ZNF232: variants seen among roughly 807,000 people sequenced by gnomAD.
ZNF232 encodes zinc finger and SCAN domain-containing protein 11.
Under a neutral mutation model 25.2 loss-of-function variants are expected in ZNF232, and 25 were observed. The ratio of observed to expected loss-of-function variants is 0.99; its 90% CI spans 0.72 to 1.39. ZNF232 has a LOEUF of 1.39. ZNF232 is among the 40% of genes most tolerant of loss of function. The pLI is 0.00. For missense variants in ZNF232, 519 were observed against 520.9 expected (o/e 1.00, Z 0.04); for synonymous variants, 193 against 182.9 (o/e 1.06, Z -0.45).
At chr17:5,105,806 G>C in exon 4 of ZNF232, 1 of 1,547,064 alleles carries the variant, frequency 6.5e-7, no homozygotes, top group East Asian at 2.3e-5. Flanking sequence ...TCTGTCTGGA[G>C]ACGTTCTCCC....
chr17:5,109,864 G>A (rs1278212783), exon 2 of ZNF232: 1 of 1,598,068 alleles, frequency 6.3e-7, no homozygotes, highest in East Asian at 2.2e-5. Flanking sequence ...TCTTGCAAGG[G>A]CCCCCTGTAA....
At chr17:5,106,454 T>C (rs1360610862) in exon 4 of ZNF232, 1 of 1,614,192 alleles carries the variant, frequency 6.2e-7, no homozygotes, top group Admixed American at 1.7e-5. Context: ...CAGTAATGGG[T>C]GGTTGTGGCA....
At chr17:5,111,850 T>TA (rs757296938), upstream of ZNF232, 33 of 1,613,444 alleles carry the variant, frequency 2.0e-5, no homozygotes, top group African/African-American at 8.0e-5. Flanking sequence ...TCGCGCCACT[T>TA]ACAGCCCTCA....
exon 4 of ZNF232, chr17:5,106,390 C>T: frequency 2.5e-6 from 4 of 1,614,212 alleles, no homozygotes; most frequent in Non-Finnish European, 3.4e-6. Context: ...GAGGTAGCTT[C>T]AAATGTAGAG....
upstream of ZNF232, chr17:5,113,237 C>T (rs1216740822): frequency 1.3e-5 from 2 of 152,182 alleles, no homozygotes; most frequent in South Asian, 2.1e-4. Flanking sequence ...AATTACTGCA[C>T]GTAGGAGCTA....
intron 3 of ZNF232, 132 bp downstream of exon 3, chr17:5,108,792 GAT>G: frequency 2.9e-6 from 4 of 1,398,448 alleles, no homozygotes; most frequent in Non-Finnish European, 3.9e-6. Context: ...TCACCTAAGA[GAT>G]AAGAATAGTA....
At chr17:5,115,923 G>A (rs1181498526), upstream of ZNF232, among the ~76,000 whole-genome samples, 2 of 152,222 alleles carry the variant, frequency 1.3e-5, no homozygotes, top group African/African-American at 4.8e-5. Flanking sequence ...CGGCCGTCAA[G>A]GCTGGGATAG....
intron 1 of ZNF232, among the ~76,000 whole-genome samples, chr17:5,119,149 C>G (rs894766329): frequency 6.6e-6 from 1 of 151,456 alleles, no homozygotes; most frequent in Non-Finnish European, 1.5e-5. Context: ...CCAATCACCC[C>G]TCTTCCTCAA....
upstream of ZNF232, chr17:5,116,747 CTT>C (rs2072547733): frequency 6.6e-6 from 1 of 152,240 alleles, no homozygotes; most frequent in Non-Finnish European, 1.5e-5. Context: ...AGTTGTGAGT[CTT>C]TGGGCAAATT....
intron 1 of ZNF232, chr17:5,122,931 A>C (rs1315301636): frequency 6.6e-6 from 1 of 152,294 alleles, no homozygotes; most frequent in Non-Finnish European, 1.5e-5. Flanking sequence ...GGGACCGCCA[A>C]GCCGGAGCCA....
intron 2 of ZNF232, 71 bp from the exon 3 acceptor site, chr17:5,109,123 G>A: frequency 6.2e-7 from 1 of 1,603,380 alleles, no homozygotes; most frequent in Non-Finnish European, 8.5e-7. Flanking sequence ...TCCCCTGCCT[G>A]GACACTTGCA....
At chr17:5,120,632 G>C (rs1430458807) in intron 1 of ZNF232, 6 of 376,936 alleles carry the variant, frequency 1.6e-5, no homozygotes, top group Non-Finnish European at 2.6e-5. Context: ...CCCAGGAAAT[G>C]AAGGCCCTTT....
intron 3 of ZNF232, among the ~76,000 whole-genome samples, chr17:5,108,060 A>G (rs1419963959): frequency 1.3e-5 from 2 of 152,246 alleles, no homozygotes; most frequent in Non-Finnish European, 2.9e-5. Flanking sequence ...GCTAAGAAGT[A>G]GAAACATACT....
At position 5,109,415 on chromosome 17, in the gene ZNF232, T is replaced by C. The variant is rs750260625; in HGVS notation, c.477A>G (p.Lys159=). The C allele has an allele frequency of 3.1e-6, 5 of 1,613,940 alleles. No individual in the cohort carries two copies. The African/African-American group carries it at 6.7e-5, about 22-fold the overall frequency. The change falls in exon 2 of 4, where the codon AAA becomes AAG. Residue 159 remains lysine (K), a synonymous_variant. Coordinates refer to ENST00000575898, the Ensembl canonical transcript of ZNF232. ...CCACCTGCGGCTCTGGTTCAAGTCC[T>C]TTCTCTAAATCCTCCAGCACAGTCA...
At chr17:5,110,553 G>A (rs2072378386) in intron 1 of ZNF232, among the ~76,000 whole-genome samples, 1 of 152,196 alleles carries the variant, frequency 6.6e-6, no homozygotes, top group Non-Finnish European at 1.5e-5. Context: ...TGGGGAGGCA[G>A]CCTCCTCTGA....
At position 5,109,424 on chromosome 17, in the gene ZNF232, A is replaced by C. The variant is rs758004683; in HGVS notation, c.468T>G (p.Asp156Glu). 19 of 1,613,712 alleles carry C rather than the reference A, an allele frequency of 1.2e-5. No individual in the cohort carries two copies. Among genetic ancestry groups the C allele is most frequent in the Non-Finnish European group, 1.5e-5 (18 of 1,179,890 alleles). The stretch of plus-strand genomic sequence containing the variant: ...GCTCTGGTTCAAGTCCTTTCTCTAA[A>C]TCCTCCAGCACAGTCACAGCCTCCT... Residue 156 changes from aspartate to glutamate, a missense_variant, in exon 2 of 4, where the codon GAT (aspartate) becomes GAG (glutamate). Physicochemically the swap from Asp to Glu is conservative, Grantham distance 45. Coordinates refer to ENST00000575898, the Ensembl canonical transcript of ZNF232.
chr17:5,106,120 C>A lies in ZNF232; in HGVS notation c.1012G>T (p.Gly338Cys). ...CCTGTATGAATTCTCTGATGCTGAC[C>A]GAGGTTTGAGCTCTGTTTGAAAGTT... The change falls in exon 4 of 4, where the codon GGT becomes TGT. Residue 338 changes from glycine to cysteine, a missense_variant. Transcript: ENST00000575898. The A allele has an allele frequency of 1.9e-6, 3 of 1,614,126 alleles. No homozygotes were observed. Among genetic ancestry groups the A allele is most frequent in the South Asian group, 1.1e-5 (1 of 91,082 alleles).
chr17:5,120,591 G>T (rs1258100444), intron 1 of ZNF232: 2 of 360,820 alleles, frequency 5.5e-6, no homozygotes, highest in East Asian at 1.5e-4. Context: ...TCCCCAGGAT[G>T]GCCTTGGGTG....
upstream of ZNF232, among the ~76,000 whole-genome samples, chr17:5,115,555 A>ACAC (rs2072512102): frequency 3.4e-5 from 5 of 148,664 alleles, no homozygotes; most frequent in Admixed American, 1.3e-4. Context: ...CGTCTCCAAA[A>ACAC]ACACACACAC....
Sources: gnomAD v4.1 joint callset for allele counts (sites outside exome capture counted in the v4.1 genomes callset) on GRCh38, gnomAD v4.1.1 for gene constraint, MANE v1.5 for transcripts, NCBI Gene and HGNC (gene_info 2026-07-23, HGNC 2026-07-21) for gene names.